SH3D19: variants seen among roughly 807,000 people sequenced by gnomAD.
SH3D19 encodes SH3 domain-containing protein 19.
Under a neutral mutation model 112.1 loss-of-function variants are expected in SH3D19, and 58 were observed. The ratio of observed to expected loss-of-function variants is 0.52; its 90% CI spans 0.42 to 0.64. SH3D19 has a LOEUF of 0.64. Ranked by LOEUF, SH3D19 falls within the 30% of genes least tolerant of loss-of-function variation. SH3D19 has a pLI of 0.00. For synonymous variants in SH3D19, 391 were observed against 448.5 expected (o/e 0.87, Z 1.62); for missense variants, 1,090 against 1,263.4 (o/e 0.86, Z 2.08).
chr4:151,315,886 T>C (rs1282908576), intron 1 of SH3D19, among the ~76,000 whole-genome samples: 1 of 152,226 alleles, frequency 6.6e-6, no homozygotes, highest in Non-Finnish European at 1.5e-5. Context: ...TCCTTAAGTG[T>C]AGCATAACTC....
intron 1 of SH3D19, among the ~76,000 whole-genome samples, chr4:151,232,691 A>T (rs1769707831): frequency 6.6e-6 from 1 of 152,066 alleles, no homozygotes; most frequent in Non-Finnish European, 1.5e-5. Context: ...CAATTCTATG[A>T]CTCTAATTCT....
At position 151,300,933 on chromosome 4, in the gene SH3D19, T is replaced by C. The variant is rs150989319; in HGVS notation, c.112+24308A>G. On this transcript the variant is annotated intron_variant, in intron 1 of 19. Transcript: ENST00000604030. The stretch of plus-strand genomic sequence containing the variant: ...TAATTGACTGACTATATGTAGGCAA[T>C]TGTGGTGAGGGAAGAAGTTAAGTAC... 3.3e-5 allele frequency among the ~76,000 whole-genome samples: 5 copies of C among 152,290 alleles called. No individual in the cohort carries two copies. In the East Asian group the frequency reaches 5.8e-4, roughly 18 times the overall value.
intron 2 of SH3D19, among the ~76,000 whole-genome samples, chr4:151,201,909 G>T (rs1298216308): frequency 1.3e-5 from 2 of 151,840 alleles, no homozygotes; most frequent in African/African-American, 4.8e-5. Context: ...ATAATGGAGA[G>T]GTTGAGACAG....
chr4:151,228,091 G>C, intron 1 of SH3D19: 2 of 953,322 alleles, frequency 2.1e-6, no homozygotes, highest in Non-Finnish European at 2.5e-6. Context: ...TATACTTTCT[G>C]CTCTAAGAAA....
In SH3D19 at chr4:151,175,025, T is replaced by A. The variant is rs749935098; in HGVS notation, c.1179A>T (p.Arg393=). 1.2e-6 allele frequency: 2 copies of A among 1,614,146 alleles called. No homozygotes were observed. Among genetic ancestry groups the A allele is most frequent in the Non-Finnish European group, 1.7e-6 (2 of 1,180,028 alleles). Residue 393 remains arginine (R), a synonymous_variant, in exon 7 of 20, where the codon CGA becomes CGT. Coordinates refer to ENST00000604030, the MANE Select transcript of SH3D19 (RefSeq NM_001378122.1). ...TTCCCGGAATCTCAGGATTAACACT[T>A]CGTATAAGGCCAGGGTTTGGTTTCT... ...LPKKPNPGLI[R]SVNPEIPGRG...
At chr4:151,158,196 A>G (rs1756482378) in intron 9 of SH3D19, among the ~76,000 whole-genome samples, 1 of 152,188 alleles carries the variant, frequency 6.6e-6, no homozygotes, top group African/African-American at 2.4e-5. Context: ...ATGTACCCCA[A>G]GAATATGTAC....
intron 1 of SH3D19, among the ~76,000 whole-genome samples, chr4:151,315,904 A>G (rs1461924493): frequency 1.3e-5 from 2 of 152,214 alleles, no homozygotes; most frequent in East Asian, 3.8e-4. Flanking sequence ...CTCTTACTTC[A>G]TAGTGACTTC....
At chr4:151,306,549 G>A (rs1371815443) in intron 1 of SH3D19, among the ~76,000 whole-genome samples, 1 of 151,938 alleles carries the variant, frequency 6.6e-6, no homozygotes. Flanking sequence ...AACTAAAACA[G>A]GGGAAAAAAG....
intron 1 of SH3D19, among the ~76,000 whole-genome samples, chr4:151,314,250 A>C (rs1024506039): frequency 6.6e-6 from 1 of 152,230 alleles, no homozygotes; most frequent in African/African-American, 2.4e-5. Flanking sequence ...CTATTTATTT[A>C]TTCTGAATGA....
chr4:151,175,191 T>G lies in SH3D19; in HGVS notation c.1013A>C (p.Lys338Thr), dbSNP rs970094921. The change falls in exon 7 of 20, where the codon AAA (lysine) becomes ACA (threonine). Residue 338 changes from lysine (K) to threonine (T), a missense_variant. Transcript: ENST00000604030. ...TCCAGAAGCTCTGTTAGCAGCTGGTTTGGGAGCTACAGAAGGTTTCCCTGA... is the reference window on the plus strand; with the variant it reads ...TCCAGAAGCTCTGTTAGCAGCTGGTGTGGGAGCTACAGAAGGTTTCCCTGA... ...VSSGKPSVAP[K>T]PAANRASGEW... The G allele has an allele frequency of 1.9e-6, 3 of 1,613,978 alleles. No individual in the cohort carries two copies. In the African/African-American group the frequency reaches 4.0e-5, roughly 22 times the overall value.
chr4:151,306,347 C>T (rs917898541), intron 1 of SH3D19, among the ~76,000 whole-genome samples: 3 of 152,170 alleles, frequency 2.0e-5, no homozygotes, highest in Non-Finnish European at 2.9e-5. Context: ...CTTCTGTTTA[C>T]GTCATTTTTC....
At chr4:151,169,251 A>G (rs903667526) in intron 7 of SH3D19, among the ~76,000 whole-genome samples, 1 of 152,138 alleles carries the variant, frequency 6.6e-6, no homozygotes, top group Non-Finnish European at 1.5e-5. Flanking sequence ...AATAACTGGC[A>G]CTCAGATAGT....
intron 8 of SH3D19, among the ~76,000 whole-genome samples, chr4:151,164,867 T>C (rs1226050058): frequency 6.6e-6 from 1 of 152,220 alleles, no homozygotes; most frequent in African/African-American, 2.4e-5. Flanking sequence ...CATCAACCAC[T>C]GCACCTGGCC....
chr4:151,150,256 C>CACATATATATACAT (rs376929730), intron 9 of SH3D19, among the ~76,000 whole-genome samples: 1 of 111,988 alleles, frequency 8.9e-6, no homozygotes, highest in Non-Finnish European at 1.7e-5. Context: ...TATATACACA[C>CACATATATATACAT]ATATATATAC....
chr4:151,128,269 G>T lies in SH3D19; in HGVS notation c.2830C>A (p.Arg944=), dbSNP rs1182918034. Residue 944 remains arginine, a synonymous_variant, in exon 18 of 20, where the codon CGG becomes AGG. Transcript: ENST00000604030. ...TCCAGACGTTCCAGAATCTGGATCCGGTCTCCCCTCTTGAATGATAAGTCA... is the reference window on the plus strand; with the variant it reads ...TCCAGACGTTCCAGAATCTGGATCCTGTCTCCCCTCTTGAATGATAAGTCA... ...SDDLSFKRGD[R]IQILERLDSD... The T allele has an allele frequency of 6.2e-7, 1 of 1,613,834 alleles. No homozygotes were observed. Among genetic ancestry groups the T allele is most frequent in the African/African-American group, 1.3e-5 (1 of 74,892 alleles).
At chr4:151,314,345 A>G (rs765260204) in intron 1 of SH3D19, among the ~76,000 whole-genome samples, 2 of 152,226 alleles carry the variant, frequency 1.3e-5, no homozygotes, top group Non-Finnish European at 1.5e-5. Flanking sequence ...CACTTGCCCA[A>G]GGATGGCCAC....
intron 2 of SH3D19, among the ~76,000 whole-genome samples, chr4:151,212,464 T>C (rs1766124704): frequency 6.6e-6 from 1 of 152,210 alleles, no homozygotes; most frequent in African/African-American, 2.4e-5. Flanking sequence ...TTGAAACTCC[T>C]AGGGCCCTTA....
chr4:151,131,489 T>TTTTTC, intron 17 of SH3D19, among the ~76,000 whole-genome samples: 1 of 150,896 alleles, frequency 6.6e-6, no homozygotes, highest in Non-Finnish European at 1.5e-5. Flanking sequence ...CTTTTTTTCT[T>TTTTTC]TTTTTCTTTT....
intron 3 of SH3D19, chr4:151,181,587 G>A (rs1469238193): frequency 3.3e-5 from 5 of 152,292 alleles, no homozygotes; most frequent in Non-Finnish European, 5.9e-5. Context: ...TTAAGTCAGA[G>A]GCCCATTCAA....
Sources: allele counts gnomAD v4.1 joint callset (sites outside exome capture counted in the v4.1 genomes callset), GRCh38; gene constraint gnomAD v4.1.1; transcripts MANE v1.5; gene names NCBI Gene and HGNC (gene_info 2026-07-23, HGNC 2026-07-21).